The following CMTM4 variants were observed in gnomAD, a reference collection of about 807,000 sequenced individuals.
CMTM4 encodes CKLF-like MARVEL transmembrane domain-containing protein 4.
Under a neutral mutation model 19.0 loss-of-function variants are expected in CMTM4, and 8 were observed. The ratio of observed to expected loss-of-function variants is 0.42; its 90% CI spans 0.25 to 0.76. The LOEUF is 0.76. CMTM4 is among the 30% of genes least tolerant of loss of function. The pLI, the probability that CMTM4 is intolerant of heterozygous loss-of-function variation, is 0.27. For synonymous variants in CMTM4, 106 were observed against 121.1 expected (o/e 0.88, Z 0.82); for missense variants, 228 against 290.2 (o/e 0.79, Z 1.56).
chr16:66,685,409 GA>G (rs893606247), intron 1 of CMTM4, among the ~76,000 whole-genome samples: 84 of 146,100 alleles, frequency 5.7e-4, no homozygotes, highest in South Asian at 4.1e-3. Context: ...TGTGGGGGAA[GA>G]AAAAAAAAAA....
At chr16:66,667,772 C>G (rs773095973) in intron 1 of CMTM4, among the ~76,000 whole-genome samples, 8 of 151,924 alleles carry the variant, frequency 5.3e-5, no homozygotes, top group Non-Finnish European at 1.2e-4. Context: ...GCCTGTAATC[C>G]CAGCTATTTA....
chr16:66,682,388 T>A (rs1040863840), intron 1 of CMTM4, among the ~76,000 whole-genome samples: 1 of 152,090 alleles, frequency 6.6e-6, no homozygotes, highest in Non-Finnish European at 1.5e-5. Context: ...TTTTTCTTTT[T>A]TTTTTTCCAC....
chr16:66,688,672 C>A (rs1480941967), intron 1 of CMTM4, among the ~76,000 whole-genome samples: 1 of 152,102 alleles, frequency 6.6e-6, no homozygotes, highest in East Asian at 1.9e-4. Context: ...ATTCTTCTAT[C>A]TACAAAAAAA....
intron 2 of CMTM4, among the ~76,000 whole-genome samples, chr16:66,623,822 C>A (rs559583225): frequency 6.6e-6 from 1 of 152,330 alleles, no homozygotes; most frequent in East Asian, 1.9e-4. Flanking sequence ...ACACTCAAAT[C>A]ATCTTGCTAT....
intron 1 of CMTM4, among the ~76,000 whole-genome samples, chr16:66,654,463 C>T (rs2016363157): frequency 6.6e-6 from 1 of 152,202 alleles, no homozygotes; most frequent in Admixed American, 6.5e-5. Context: ...TCCAGACTCA[C>T]ACTCCCAAAT....
chr16:66,603,645 T>C, the CMTM4 span, among the ~76,000 whole-genome samples: 1 of 152,180 alleles, frequency 6.6e-6, no homozygotes, highest in Non-Finnish European at 1.5e-5. Context: ...CTATGAAATA[T>C]AAAATGAAGT....
At position 66,696,667 on chromosome 16, in the gene CMTM4, C is replaced by T. The variant is rs2017245201; in HGVS notation, c.-142G>A. On this transcript the variant is annotated 5_prime_UTR_variant, in exon 1 of 4. Coordinates refer to ENST00000394106, the MANE Select transcript of CMTM4 (RefSeq NM_181521.3). This position sits in a 1 kb window ranked among gnomAD's most constrained non-coding sequence, Gnocchi z 4.3. ...CCCGCGGCCCGCCCGCCGCCGCCGC[C>T]TCTCGCCCGCCGCCCGGCTGCGGCT... The T allele has an allele frequency of 3.5e-6, 1 of 285,280 alleles. No individual in the cohort carries two copies. Among genetic ancestry groups the T allele is most frequent in the Non-Finnish European group, 5.2e-6 (1 of 191,916 alleles). The allele number at this position is 285,280 out of a possible 1,614,324, so 17.7% of individuals were successfully genotyped here.
chr16:66,683,141 A>ACG (rs1567431990), intron 1 of CMTM4, among the ~76,000 whole-genome samples: 1,586 of 131,536 alleles, frequency 0.012, 43 homozygotes, highest in East Asian at 0.055. Context: ...ATATATATAT[A>ACG]TATATGTATA....
intron 2 of CMTM4, among the ~76,000 whole-genome samples, chr16:66,630,907 G>A (rs1288005272): frequency 1.2e-4 from 18 of 149,682 alleles, no homozygotes; most frequent in African/African-American, 4.0e-4. Flanking sequence ...CCTCTGCCCC[G>A]CCGCCCCGTC....
chr16:66,635,463 A>G (rs1268102274), intron 2 of CMTM4, among the ~76,000 whole-genome samples: 1 of 152,192 alleles, frequency 6.6e-6, no homozygotes. Flanking sequence ...CAGCCCTGAC[A>G]GGGAGGTGGC....
chr16:66,662,227 C>T (rs911901769), intron 1 of CMTM4, among the ~76,000 whole-genome samples: 2 of 152,228 alleles, frequency 1.3e-5, no homozygotes, highest in Admixed American at 1.3e-4. Context: ...CACAGAGCAG[C>T]TATTTCAGGA....
At chr16:66,637,578 A>G (rs2016019626) in intron 1 of CMTM4, among the ~76,000 whole-genome samples, 1 of 152,234 alleles carries the variant, frequency 6.6e-6, no homozygotes, top group African/African-American at 2.4e-5. Flanking sequence ...CTGAAGGACC[A>G]AAGTACCATT....
chr16:66,636,824 T>C (rs2016001560), intron 1 of CMTM4, among the ~76,000 whole-genome samples: 1 of 152,130 alleles, frequency 6.6e-6, no homozygotes, highest in African/African-American at 2.4e-5. Context: ...CCACATACAC[T>C]GAAATCAATC....
Position 66,643,402 on chromosome 16 carries a change from C to T in CMTM4, c.187-6821G>A, listed in dbSNP as rs565131545. Among the ~76,000 whole-genome samples the T allele has an allele frequency of 3.3e-5, 5 of 152,288 alleles. No individual in the cohort carries two copies. In the South Asian group the frequency reaches 8.3e-4, roughly 25 times the overall value. ...TCTGACATTATGACAATGGAACAGA[C>T]CCCAAACTTCATGAGATAAACTGTC... On this transcript the variant is annotated intron_variant, in intron 1 of 3. Coordinates refer to ENST00000394106, the MANE Select transcript of CMTM4 (RefSeq NM_181521.3).
chr16:66,675,087 AT>A (rs1002061968), intron 1 of CMTM4, among the ~76,000 whole-genome samples: 20 of 137,468 alleles, frequency 1.5e-4, no homozygotes, highest in Middle Eastern at 4.3e-3. Context: ...TTTTTTTTTA[AT>A]TTTTTTTTTT....
intron 1 of CMTM4, among the ~76,000 whole-genome samples, chr16:66,642,680 C>T (rs1186263093): frequency 2.0e-5 from 3 of 152,176 alleles, no homozygotes; most frequent in African/African-American, 7.2e-5. Flanking sequence ...CGCGCCACTG[C>T]ACTCCAGCCT....
At chr16:66,639,911 G>C (rs2016068294) in intron 1 of CMTM4, among the ~76,000 whole-genome samples, 1 of 152,156 alleles carries the variant, frequency 6.6e-6, no homozygotes, top group African/African-American at 2.4e-5. Context: ...CCAGCTACCA[G>C]GGAGGCTAAT....
chr16:66,644,073 G>A (rs2016145786), intron 1 of CMTM4, among the ~76,000 whole-genome samples: 1 of 152,134 alleles, frequency 6.6e-6, no homozygotes, highest in Non-Finnish European at 1.5e-5. Flanking sequence ...GTACTTCTGT[G>A]CAGGAGTTTG....
the CMTM4 span, chr16:66,609,663 A>G: frequency 4.6e-6 from 7 of 1,528,460 alleles, no homozygotes; most frequent in Non-Finnish European, 6.2e-6. This position sits in a 1 kb window ranked among gnomAD's most constrained non-coding sequence, Gnocchi z 4.4. Flanking sequence ...GATGATTCCA[A>G]AGTCCTCTCA....
Sources: gnomAD v4.1 joint callset for allele counts (sites outside exome capture counted in the v4.1 genomes callset) on GRCh38, gnomAD v4.1.1 for gene constraint, Gnocchi (gnomAD v3.1) non-coding constraint, MANE v1.5 for transcripts, NCBI Gene and HGNC (gene_info 2026-07-23, HGNC 2026-07-21) for gene names.